GCFC2: variants seen among roughly 807,000 people sequenced by gnomAD.
GCFC2 encodes the protein GC-rich sequence DNA-binding factor 2.
A neutral mutation model predicts 99.4 loss-of-function variants in GCFC2; 102 were observed. That is an observed-to-expected ratio of 1.03 (90% CI 0.87 to 1.21). The LOEUF (loss-of-function observed/expected upper bound fraction) is 1.21. Among genes scored for constraint, GCFC2 ranks in the 50% most tolerant of loss-of-function variants. The pLI, the probability that GCFC2 is intolerant of heterozygous loss-of-function variation, is 0.00. For synonymous variants in GCFC2, 338 were observed against 316.8 expected, an observed-to-expected ratio of 1.07 and a Z score of -0.71; for missense variants, 973 against 920.9, an observed-to-expected ratio of 1.06 and a Z score of -0.73.
In GCFC2 at chr2:75,687,815, A is replaced by G; in HGVS notation, c.1690+12T>C. On this transcript the variant is annotated intron_variant, in intron 11 of 16. Coordinates refer to ENST00000321027, the MANE Select transcript of GCFC2 (RefSeq NM_003203.5). ...AAAATAATTTAATTTTACCAAGGTT[A>G]CGAAGCAGTACCTGTAAGTCGGGGA... The G allele has an allele frequency of 6.3e-7, 1 of 1,589,494 alleles. No individual in the cohort carries two copies. Among genetic ancestry groups the G allele is most frequent in the Non-Finnish European group, 8.6e-7 (1 of 1,167,012 alleles).
chr2:75,690,726 A>G lies in GCFC2; in HGVS notation c.1145-7T>C. 1 of 1,415,826 alleles carries G rather than the reference A, an allele frequency of 7.1e-7. No individual in the cohort carries two copies. Among genetic ancestry groups the G allele is most frequent in the Non-Finnish European group, 9.8e-7 (1 of 1,016,524 alleles). 87.7% of individuals were successfully genotyped at this position (1,415,826 alleles called of 1,614,324 possible). A position where few individuals can be genotyped will look rare whatever the true frequency, so the allele number is the denominator to read the frequency against. On this transcript the variant is annotated splice_polypyrimidine_tract_variant and splice_region_variant and intron_variant, in intron 7 of 16. Transcript: ENST00000321027. Reference sequence around the variant, plus strand: ...GTGGATGTCTCATCTTTGCCTGTTAATAAATAAAATTGACTTCATACTACA... The same window carrying G: ...GTGGATGTCTCATCTTTGCCTGTTAGTAAATAAAATTGACTTCATACTACA...
At chr2:75,688,549 C>T (rs1679918362) in intron 10 of GCFC2, among the ~76,000 whole-genome samples, 3 of 152,130 alleles carry the variant, frequency 2.0e-5, no homozygotes, top group African/African-American at 7.2e-5. Context: ...ATTTCTAGCT[C>T]CTGAACTAAT....
intron 4 of GCFC2, 134 bp from the exon 5 acceptor site, chr2:75,696,449 G>A: frequency 8.5e-6 from 4 of 471,548 alleles, no homozygotes; most frequent in South Asian, 8.4e-5. Flanking sequence ...AATTTTTCAT[G>A]GTCCCAATAA....
intron 12 of GCFC2, among the ~76,000 whole-genome samples, chr2:75,678,593 C>T (rs7605014): frequency 0.5 from 75,765 of 151,938 alleles, 20,433 homozygotes; most frequent in African/African-American, 0.73. Flanking sequence ...CCTGAAGACA[C>T]AGTACTTTAT....
At chr2:75,706,457 AATAACT>A (rs1680867566) in intron 2 of GCFC2, 60 bp downstream of exon 2, 5 of 1,039,782 alleles carry the variant, frequency 4.8e-6, no homozygotes, top group Non-Finnish European at 2.8e-6. Context: ...TTATGTCATT[AATAACT>A]ATATCAAAAA....
intron 4 of GCFC2, among the ~76,000 whole-genome samples, chr2:75,700,883 C>A (rs189895287): frequency 1.3e-5 from 2 of 151,912 alleles, no homozygotes; most frequent in African/African-American, 4.8e-5. Context: ...AGTATCCTTA[C>A]GAGAAAAACA....
Position 75,689,243 on chromosome 2 carries a change from C to G in GCFC2, c.1340-18G>C, listed in dbSNP as rs1455838479. 2 of 1,386,390 alleles carry G rather than the reference C, an allele frequency of 1.4e-6. No individual in the cohort carries two copies. Among genetic ancestry groups the G allele is most frequent in the South Asian group, 1.2e-5 (1 of 83,344 alleles). The allele number at this position is 1,386,390 out of a possible 1,614,324, so 85.9% of individuals were successfully genotyped here. On this transcript the variant is annotated intron_variant, in intron 9 of 16. Transcript: ENST00000321027. Reference sequence around the variant, plus strand: ...AATGTCACCTGTAAACAAAATAAGTCTCTTTATGCATTTTAAGTTGTGAAC... The same window carrying G: ...AATGTCACCTGTAAACAAAATAAGTGTCTTTATGCATTTTAAGTTGTGAAC...
At chr2:75,688,716 G>C (rs1558741665) in intron 10 of GCFC2, among the ~76,000 whole-genome samples, 1 of 151,966 alleles carries the variant, frequency 6.6e-6, no homozygotes, top group Non-Finnish European at 1.5e-5. Context: ...TTGAAACAAG[G>C]CTTTTATATC....
intron 12 of GCFC2, among the ~76,000 whole-genome samples, chr2:75,679,565 C>A (rs1679480702): frequency 6.6e-6 from 1 of 152,128 alleles, no homozygotes; most frequent in Non-Finnish European, 1.5e-5. Context: ...TTTTACTGAA[C>A]TTTGAATCCT....
chr2:75,694,363 C>T lies in GCFC2; in HGVS notation c.898G>A (p.Val300Ile). ...LREYEKYVQDVKSSKSTIQNL... is the reference protein window; with the variant it reads ...LREYEKYVQDIKSSKSTIQNL... ...TGGATGGTACTCTTTGAGCTTTTGA[C>T]ATCTTGTACGTATTTTTCATACTCC... The change falls in exon 6 of 17, where the codon GTC becomes ATC. Residue 300 changes from valine to isoleucine, a missense_variant. By Grantham distance (29) the Val-to-Ile change is conservative (BLOSUM62 3). Transcript: ENST00000321027. The T allele has an allele frequency of 6.5e-7, 1 of 1,531,682 alleles. No individual in the cohort carries two copies. Among genetic ancestry groups the T allele is most frequent in the South Asian group, 1.2e-5 (1 of 81,632 alleles). 94.9% of individuals were successfully genotyped at this position (1,531,682 alleles called of 1,614,324 possible).
intron 11 of GCFC2, among the ~76,000 whole-genome samples, chr2:75,682,987 T>C (rs570264557): frequency 3.9e-5 from 6 of 151,900 alleles, no homozygotes; most frequent in Non-Finnish European, 8.8e-5. Context: ...CTGAAAGTGA[T>C]GGGGAGAATG....
intron 2 of GCFC2, among the ~76,000 whole-genome samples, chr2:75,705,564 C>A (rs1452302859): frequency 4.3e-5 from 5 of 116,502 alleles, no homozygotes; most frequent in African/African-American, 1.5e-4. Context: ...TTGCAGTGAA[C>A]CCAGATTGCG....
intron 14 of GCFC2, 98 bp from the exon 15 acceptor site, chr2:75,670,382 C>A: frequency 1.3e-6 from 1 of 751,166 alleles, no homozygotes; most frequent in Non-Finnish European, 2.3e-6. Flanking sequence ...AAAATTCTCA[C>A]TACAATTAGC....
chr2:75,695,581 T>C (rs1373272221), intron 5 of GCFC2, among the ~76,000 whole-genome samples: 1 of 152,222 alleles, frequency 6.6e-6, no homozygotes, highest in East Asian at 1.9e-4. Flanking sequence ...ATCATGGGGA[T>C]AGGTTCCAAG....
intron 4 of GCFC2, chr2:75,697,528 GCA>G (rs2104381464): frequency 6.6e-6 from 1 of 152,334 alleles, no homozygotes; most frequent in East Asian, 1.9e-4. Context: ...TCAGGACCCT[GCA>G]CAGAGTTCTG....
intron 4 of GCFC2, among the ~76,000 whole-genome samples, chr2:75,696,676 A>C (rs1186580756): frequency 6.6e-6 from 1 of 152,196 alleles, no homozygotes; most frequent in Non-Finnish European, 1.5e-5. Flanking sequence ...CCTAACACCT[A>C]TTTCCATGAT....
intron 10 of GCFC2, among the ~76,000 whole-genome samples, chr2:75,688,508 T>A (rs1445384835): frequency 6.6e-6 from 1 of 152,152 alleles, no homozygotes; most frequent in East Asian, 1.9e-4. Context: ...AGAGTTTATA[T>A]TCCTTAACTT....
Position 75,690,650 on chromosome 2 carries a change from A to G in GCFC2, c.1214T>C (p.Ile405Thr). ...DEKTQWILEE[I>T]ESRRTKRRQA... The stretch of plus-strand genomic sequence containing the variant: ...TTTATATAGGTACCTTCGAGATTCA[A>G]TCTCTTCTAAAATCCACTGAGTTTT... Residue 405 changes from isoleucine to threonine, a missense_variant, in exon 8 of 17, where the codon ATT (isoleucine) becomes ACT (threonine). Physicochemically the swap from Ile to Thr is moderately conservative, Grantham distance 89. Coordinates refer to ENST00000321027, the MANE Select transcript of GCFC2 (RefSeq NM_003203.5). 4.0e-6 allele frequency: 6 copies of G among 1,490,402 alleles called. No homozygotes were observed. The highest frequency in any genetic ancestry group is 3.7e-6 in the Non-Finnish European group (4 of 1,072,972). The allele number at this position is 1,490,402 out of a possible 1,614,324, so 92.3% of individuals were successfully genotyped here.
At chr2:75,708,448 T>C (rs1291834006) in intron 1 of GCFC2, among the ~76,000 whole-genome samples, 1 of 150,712 alleles carries the variant, frequency 6.6e-6, no homozygotes, top group Non-Finnish European at 1.5e-5. Context: ...AACAGAGTTT[T>C]AAGGTAAGAG....
Sources: gnomAD v4.1 joint callset for allele counts (sites outside exome capture counted in the v4.1 genomes callset) on GRCh38, gnomAD v4.1.1 for gene constraint, MANE v1.5 for transcripts, NCBI Gene and HGNC (gene_info 2026-07-23, HGNC 2026-07-21) for gene names.